Variants in ZNF385D observed in about 807,000 individuals in gnomAD.
The protein encoded by ZNF385D is zinc finger protein 385D.
Under a neutral mutation model 35.8 loss-of-function variants are expected in ZNF385D, and 15 were observed. The observed-to-expected ratio is 0.42, with a 90% confidence interval of 0.28 to 0.64. The LOEUF is 0.64. Ranked by LOEUF, ZNF385D falls within the 30% of genes least tolerant of loss-of-function variation. The pLI is 0.23. For missense variants in ZNF385D, 474 were observed against 494.6 expected (o/e 0.96, Z 0.39); for synonymous variants, 212 against 186.8 (o/e 1.13, Z -1.10).
chr3:22,163,155 G>A (rs915908116), intron 3 of ZNF385D, among the ~76,000 whole-genome samples: 4 of 152,154 alleles, frequency 2.6e-5, no homozygotes, highest in Non-Finnish European at 5.9e-5. Flanking sequence ...CTCAGAGGAG[G>A]TAGTTCCCAT....
intron 3 of ZNF385D, among the ~76,000 whole-genome samples, chr3:22,047,139 T>A (rs1007763660): frequency 6.6e-6 from 1 of 152,130 alleles, no homozygotes; most frequent in Non-Finnish European, 1.5e-5. Flanking sequence ...ATTATACACA[T>A]GTATGGTGCA....
At chr3:21,454,738 G>A (rs1258160239) in intron 4 of ZNF385D, among the ~76,000 whole-genome samples, 1 of 152,138 alleles carries the variant, frequency 6.6e-6, no homozygotes, top group Non-Finnish European at 1.5e-5. Context: ...GTTCTGGCCA[G>A]GGAAGTCAGG....
chr3:22,109,591 G>A (rs1485081726), intron 3 of ZNF385D, among the ~76,000 whole-genome samples: 1 of 152,136 alleles, frequency 6.6e-6, no homozygotes, highest in Non-Finnish European at 1.5e-5. Context: ...AAGAGGATTT[G>A]AAACAAATGT....
At chr3:22,365,333 T>C (rs1274554328) in intron 2 of ZNF385D, among the ~76,000 whole-genome samples, 1 of 151,920 alleles carries the variant, frequency 6.6e-6, no homozygotes, top group Non-Finnish European at 1.5e-5. Flanking sequence ...TCAACTAATA[T>C]CTAAGAAAAA....
intron 3 of ZNF385D, chr3:22,168,657 G>C (rs1434218832): frequency 1.6e-5 from 5 of 304,864 alleles, no homozygotes; most frequent in African/African-American, 2.3e-5. Context: ...CACTCTCAAA[G>C]AGAAATGATG....
intron 2 of ZNF385D, among the ~76,000 whole-genome samples, chr3:21,597,792 A>C (rs909008783): frequency 6.6e-6 from 1 of 152,204 alleles, no homozygotes; most frequent in African/African-American, 2.4e-5. Context: ...CATCTTGAGT[A>C]TAATTTTGAA....
intron 3 of ZNF385D, among the ~76,000 whole-genome samples, chr3:22,030,624 C>T (rs370834702): frequency 6.6e-6 from 1 of 151,960 alleles, no homozygotes; most frequent in South Asian, 2.1e-4. Flanking sequence ...CCAGGTTTCT[C>T]CCTTGACACA....
rs564365432 is a variant in ZNF385D, at chr3:22,014,417, AAAAG to A, written c.325+154396_325+154399del. Among the ~76,000 whole-genome samples, 19 of 152,250 alleles carry A rather than the reference AAAAG, an allele frequency of 1.2e-4. No individual in the cohort carries two copies. The East Asian group carries it at 3.3e-3, about 26-fold the overall frequency. On this transcript the variant is annotated intron_variant, in intron 3 of 5. Transcript: ENST00000494108. ...ATAACAATCCTACAAGATGCCAGAG[AAAAG>A]AAAGAAGATAACTCTGAAGAGCAGA...
intron 1 of ZNF385D, among the ~76,000 whole-genome samples, chr3:21,678,107 C>T (rs2066784384): frequency 6.6e-6 from 1 of 152,004 alleles, no homozygotes; most frequent in South Asian, 2.1e-4. Context: ...AAACCCTCAA[C>T]ATTAGGGCAT....
intron 2 of ZNF385D, among the ~76,000 whole-genome samples, chr3:22,283,047 G>GA (rs1173478904): frequency 1.3e-5 from 2 of 151,844 alleles, no homozygotes; most frequent in African/African-American, 4.8e-5. Flanking sequence ...TTTTATATCA[G>GA]AAAAAAAATT....
intron 3 of ZNF385D, among the ~76,000 whole-genome samples, chr3:22,062,972 CCA>C (rs1272225410): frequency 2.6e-5 from 4 of 152,138 alleles, no homozygotes; most frequent in African/African-American, 9.7e-5. Context: ...AAATTCTAAG[CCA>C]GAACCACCCA....
At chr3:21,451,594 G>A (rs1702465342) in intron 4 of ZNF385D, among the ~76,000 whole-genome samples, 1 of 151,878 alleles carries the variant, frequency 6.6e-6, no homozygotes, top group Admixed American at 6.6e-5. Context: ...TCAGCTATCA[G>A]GTACAACAAT....
chr3:21,551,574 G>C (rs1221189063), intron 3 of ZNF385D, among the ~76,000 whole-genome samples: 2 of 152,144 alleles, frequency 1.3e-5, no homozygotes, highest in Non-Finnish European at 2.9e-5. Flanking sequence ...CTTACATCTT[G>C]TTGGCCCTCA....
At chr3:21,440,895 A>C (rs1277126477) in intron 4 of ZNF385D, among the ~76,000 whole-genome samples, 1 of 152,154 alleles carries the variant, frequency 6.6e-6, no homozygotes, top group Non-Finnish European at 1.5e-5. Flanking sequence ...AAATTTCTCA[A>C]GGTCACATAG....
Position 21,950,065 on chromosome 3 carries a change from T to TAA in ZNF385D, c.325+218751_325+218752insTT, listed in dbSNP as rs1406384903. Among the ~76,000 whole-genome samples, 117 of 152,092 alleles carry TAA rather than the reference T, an allele frequency of 7.7e-4. 2 individuals are homozygous for TAA. Among genetic ancestry groups the TAA allele is most frequent in the African/African-American group, 2.7e-3 (110 of 41,350 alleles). ...AGAATGATTTATAATCCTTTGGGTA[T>TAA]ATACCCAGTAATGGGATTGTTGAGT... On this transcript the variant is annotated intron_variant, in intron 3 of 5. Transcript: ENST00000494108.
intron 2 of ZNF385D, among the ~76,000 whole-genome samples, chr3:21,627,193 T>C (rs2065157049): frequency 6.6e-6 from 1 of 151,728 alleles, no homozygotes. Flanking sequence ...TTCAATGTCT[T>C]TACTTGGCAA....
chr3:21,440,634 C>T (rs910648512), intron 4 of ZNF385D, among the ~76,000 whole-genome samples: 1 of 152,094 alleles, frequency 6.6e-6, no homozygotes, highest in Non-Finnish European at 1.5e-5. Context: ...AAATGTACAA[C>T]ATTAATGTGA....
chr3:22,246,422 A>G (rs1048274637), intron 2 of ZNF385D, among the ~76,000 whole-genome samples: 1 of 152,116 alleles, frequency 6.6e-6, no homozygotes, highest in Non-Finnish European at 1.5e-5. Flanking sequence ...TTGAGTGACT[A>G]TTTGTAGACG....
chr3:21,729,547 A>G (rs2068904815), intron 1 of ZNF385D, among the ~76,000 whole-genome samples: 1 of 152,106 alleles, frequency 6.6e-6, no homozygotes, highest in African/African-American at 2.4e-5. Context: ...TCTCCCCACA[A>G]GGTACTTTAA....
Sources: allele counts gnomAD v4.1 joint callset (sites outside exome capture counted in the v4.1 genomes callset), GRCh38; gene constraint gnomAD v4.1.1; transcripts MANE v1.5; gene names NCBI Gene and HGNC (gene_info 2026-07-23, HGNC 2026-07-21).